SNAPC4: variants seen among roughly 807,000 people sequenced by gnomAD.
The protein encoded by SNAPC4 is snRNA-activating protein complex subunit 4.
In SNAPC4, 127 loss-of-function variants were observed where a neutral mutation model predicts 151.3. The ratio of observed to expected loss-of-function variants is 0.84; its 90% confidence interval spans 0.73 to 0.97. The LOEUF (loss-of-function observed/expected upper bound fraction) is 0.97. Among genes scored for constraint, SNAPC4 ranks in the 50% least tolerant of loss-of-function variants. The probability of loss-of-function intolerance (pLI) is 0.00; values close to 1 mark genes in which losing one functional copy is unlikely to be tolerated. For synonymous variants in SNAPC4, 1,002 were observed against 824.4 expected, an observed-to-expected ratio of 1.22 and a Z score of -3.69; for missense variants, 2,186 against 1,935.0, an observed-to-expected ratio of 1.13 and a Z score of -2.43.
chr9:136,384,170 T>C (rs1833811731), intron 14 of SNAPC4, 138 bp from the exon 15 acceptor site: 6 of 656,116 alleles, frequency 9.1e-6, no homozygotes, highest in East Asian at 8.5e-5. Flanking sequence ...GGGTCAAGCA[T>C]GTTGGGTGCC....
Position 136,378,441 on chromosome 9 carries a change from GCTGGGGCC to G in SNAPC4, c.3378_3385del (p.Arg1126SerfsTer58), listed in dbSNP as rs769737956. The G allele has an allele frequency of 4.3e-5, 69 of 1,593,754 alleles. No individual in the cohort carries two copies. The highest frequency in any genetic ancestry group is 9.0e-5 in the East Asian group (4 of 44,616). On this transcript the variant is annotated frameshift_variant, in exon 22 of 24. Transcript: ENST00000684778. LOFTEE classifies it high-confidence loss of function. Reference sequence around the variant, plus strand: ...TGGGGGCTGCCAAGAGCTGCTCAACGCTGGGGCCCTGGGGCCCTGGGCCGCCCGAGTCT... The same window carrying G: ...TGGGGGCTGCCAAGAGCTGCTCAACGCTGGGGCCCTGGGCCGCCCGAGTCT...
At chr9:136,388,617 T>A (rs1202871580) in intron 10 of SNAPC4, 26 bp from the exon 11 acceptor site, 1 of 1,613,364 alleles carries the variant, frequency 6.2e-7, no homozygotes, top group Admixed American at 1.7e-5. Context: ...CAAAAGCAAA[T>A]GAGTGTTACT....
At chr9:136,376,519 C>A (rs1588732840) in intron 22 of SNAPC4, 38 bp from the exon 23 acceptor site, 4 of 1,609,304 alleles carry the variant, frequency 2.5e-6, no homozygotes, top group African/African-American at 1.3e-5. Flanking sequence ...AAGAGTGACA[C>A]CCCCGAGCCA....
chr9:136,394,755 G>T, intron 6 of SNAPC4, 45 bp downstream of exon 6: 2 of 1,540,572 alleles, frequency 1.3e-6, no homozygotes, highest in Non-Finnish European at 1.8e-6. Flanking sequence ...CCATGGGGAG[G>T]TGTCCCAAGC....
chr9:136,390,556 A>G (rs112291019), intron 10 of SNAPC4, among the ~76,000 whole-genome samples: 36 of 74,842 alleles, frequency 4.8e-4, no homozygotes, highest in Admixed American at 8.7e-4. Flanking sequence ...CTCTGTTTGA[A>G]AAAAAAAAAA....
intron 20 of SNAPC4, among the ~76,000 whole-genome samples, chr9:136,380,456 A>G (rs1336947760): frequency 1.3e-5 from 2 of 152,208 alleles, no homozygotes; most frequent in Non-Finnish European, 2.9e-5. Context: ...TGGAGCAGAA[A>G]GGCAAGAACC....
intron 1 of SNAPC4, among the ~76,000 whole-genome samples, chr9:136,399,881 G>A (rs976038859): frequency 6.6e-6 from 1 of 152,132 alleles, no homozygotes; most frequent in Non-Finnish European, 1.5e-5. Context: ...CTGCAGCCGG[G>A]GCCGCCCCGC....
In SNAPC4 at chr9:136,378,645, G is replaced by A. The variant is rs541269073; in HGVS notation, c.3182C>T (p.Thr1061Met). Residue 1061 changes from threonine (T) to methionine (M), a missense_variant, in exon 22 of 24, where the codon ACG becomes ATG. Physicochemically the swap from Thr to Met is moderately conservative, Grantham distance 81. Coordinates refer to ENST00000684778, the MANE Select transcript of SNAPC4 (RefSeq NM_003086.4). The stretch of plus-strand genomic sequence containing the variant: ...CGCCACATGTGGCCCTCCTATGTGC[G>A]TCAGGCTGAGGGGCTGGACGGGCAG... The part of the protein sequence containing the change: ...TPLPVQPLSL[T>M]HIGGPHVATS... The A allele has an allele frequency of 6.4e-5, 99 of 1,536,556 alleles. No homozygotes were observed. The South Asian group carries it at 8.2e-4, about 13-fold the overall frequency.
chr9:136,377,829 A>C lies in SNAPC4; in HGVS notation c.3998T>G (p.Val1333Gly), dbSNP rs199807206. 2.6e-5 allele frequency: 42 copies of C among 1,611,380 alleles called. No homozygotes were observed. The African/African-American group carries it at 4.5e-4, about 17-fold the overall frequency. ...GGCCGGCCGCTCAGCCTCGCCCCCC[A>C]CCACCAGGGAGGTGGCCTTGTGCTC... The part of the protein sequence containing the change: ...ALEHKATSLV[V>G]GGEAERPAGA... The change falls in exon 22 of 24, where the codon GTG becomes GGG. Residue 1333 changes from valine to glycine, a missense_variant. Coordinates refer to ENST00000684778, the MANE Select transcript of SNAPC4 (RefSeq NM_003086.4).
intron 19 of SNAPC4, 73 bp from the exon 20 acceptor site, chr9:136,380,923 G>A (rs549526557): frequency 2.3e-6 from 2 of 882,012 alleles, no homozygotes; most frequent in South Asian, 2.9e-5. Context: ...GGCCTAGGCA[G>A]AACCTGGGGC....
At position 136,398,460 on chromosome 9, in the gene SNAPC4, G is replaced by A. The variant is rs550797663; in HGVS notation, c.-9-23C>T. 13 of 1,604,982 alleles carry A rather than the reference G, an allele frequency of 8.1e-6. No individual in the cohort carries two copies. The Middle Eastern group carries it at 5.0e-4, about 61-fold the overall frequency. On this transcript the variant is annotated intron_variant, in intron 1 of 23. Transcript: ENST00000684778. ...CGCCTGCCTCCAAAACACACCCCGA[G>A]ATGTTAGAAACCAAGACCGTGCCGG...
At position 136,379,086 on chromosome 9, in the gene SNAPC4, G is replaced by A. The variant is rs772124952; in HGVS notation, c.2741C>T (p.Pro914Leu). The A allele has an allele frequency of 9.7e-5, 152 of 1,566,770 alleles. No individual in the cohort carries two copies. The highest frequency in any genetic ancestry group is 5.0e-4 in the Middle Eastern group (3 of 5,948). ...EARAREATRG[P>L]VVLPSQLLVS... is the part of the protein sequence containing the mutation. Reference sequence around the variant, plus strand: ...CAGCAGCTGGGACGGGAGCACCACCGGGCCCCGGGTGGCCTCCCTGGCACG... The same window carrying A: ...CAGCAGCTGGGACGGGAGCACCACCAGGCCCCGGGTGGCCTCCCTGGCACG... Residue 914 changes from proline to leucine, a missense_variant, in exon 22 of 24, where the codon CCG becomes CTG. Transcript: ENST00000684778.
intron 7 of SNAPC4, among the ~76,000 whole-genome samples, chr9:136,394,003 G>A (rs970293404): frequency 1.3e-5 from 2 of 152,188 alleles, no homozygotes; most frequent in African/African-American, 2.4e-5. Flanking sequence ...CTGCAGCTTT[G>A]ACCTCCTGGG....
Position 136,380,758 on chromosome 9 carries a change from T to G in SNAPC4, c.2481A>C (p.Pro827=). ...PRLPQAGARD[P]PVHLLQASSS... ...CTGCTACCTGCAGAAGATGAACTGG[T>G]GGGTCCCGAGCACCAGCCTGGGGCA... Residue 827 remains proline, a synonymous_variant, in exon 20 of 24, where the codon CCA becomes CCC. Transcript: ENST00000684778. 1.2e-6 allele frequency: 2 copies of G among 1,602,710 alleles called. No individual in the cohort carries two copies. The highest frequency in any genetic ancestry group is 1.7e-6 in the Non-Finnish European group (2 of 1,170,734).
At position 136,388,455 on chromosome 9, in the gene SNAPC4, G is replaced by C; in HGVS notation, c.1112C>G (p.Pro371Arg). 6.2e-7 allele frequency: 1 copy of C among 1,613,442 alleles called. No individual in the cohort carries two copies. The highest frequency in any genetic ancestry group is 8.5e-7 in the Non-Finnish European group (1 of 1,179,738). The change falls in exon 11 of 24, where the codon CCC becomes CGC. Residue 371 changes from proline (P) to arginine (R), a missense_variant. Transcript: ENST00000684778. ...VQEMRVGSHI[P>R]YRRIVYYMEG... ...TGGAGGGGCCTCACTTCTGCGGTAG[G>C]GGATGTGGCTGCCGACGCGCATCTC...
At chr9:136,381,421 C>A in intron 18 of SNAPC4, 29 bp from the exon 19 acceptor site, 1 of 1,595,572 alleles carries the variant, frequency 6.3e-7, no homozygotes, top group Non-Finnish European at 8.6e-7. Context: ...AAGTGGAAAG[C>A]AGCCCCAGCT....
intron 10 of SNAPC4, among the ~76,000 whole-genome samples, chr9:136,391,297 G>C (rs906875456): frequency 6.6e-6 from 1 of 152,142 alleles, no homozygotes; most frequent in Non-Finnish European, 1.5e-5. Flanking sequence ...TTGAAAAATG[G>C]AGATTTTATA....
At chr9:136,395,833 A>G in intron 3 of SNAPC4, 63 bp from the exon 4 acceptor site, 5 of 1,520,148 alleles carry the variant, frequency 3.3e-6, no homozygotes, top group Non-Finnish European at 4.5e-6. Context: ...TGTCCTCGGC[A>G]GCCAGTCGCC....
At chr9:136,396,490 C>T (rs1442420696) in intron 3 of SNAPC4, among the ~76,000 whole-genome samples, 1 of 152,180 alleles carries the variant, frequency 6.6e-6, no homozygotes, top group Non-Finnish European at 1.5e-5. Flanking sequence ...AATCACAGCT[C>T]ACTGGAGCCT....
Sources: gnomAD v4.1 joint callset for allele counts (sites outside exome capture counted in the v4.1 genomes callset) on GRCh38, gnomAD v4.1.1 for gene constraint, MANE v1.5 for transcripts, NCBI Gene and HGNC (gene_info 2026-07-23, HGNC 2026-07-21) for gene names.